The following LPIN2 variants were observed in gnomAD, a reference collection of about 807,000 sequenced individuals.
The protein encoded by LPIN2 is phosphatidate phosphatase LPIN2.
A neutral mutation model predicts 111.4 loss-of-function variants in LPIN2; 55 were observed. That is an observed-to-expected ratio of 0.49 (90% CI 0.40 to 0.62). LPIN2 has a LOEUF of 0.62. Among genes scored for constraint, LPIN2 ranks in the 20% least tolerant of loss-of-function variants. The pLI is 0.00. For missense variants in LPIN2, 992 were observed against 1,112.1 expected (o/e 0.89, Z 1.54); for synonymous variants, 425 against 414.0 (o/e 1.03, Z -0.32).
At chr18:3,010,332 C>T (rs1423735249) in intron 1 of LPIN2, among the ~76,000 whole-genome samples, 1 of 152,158 alleles carries the variant, frequency 6.6e-6, no homozygotes, top group Non-Finnish European at 1.5e-5. Context: ...CTGCTCCAGG[C>T]TATAATACCT....
chr18:2,931,158 G>A (rs941581959), intron 9 of LPIN2, 98 bp downstream of exon 9: 26 of 1,359,514 alleles, frequency 1.9e-5, no homozygotes, highest in East Asian at 2.4e-5. Context: ...GATCCCTAAA[G>A]AATGTAAATA....
intron 1 of LPIN2, among the ~76,000 whole-genome samples, chr18:2,989,268 C>G (rs1036261390): frequency 6.6e-6 from 1 of 151,802 alleles, no homozygotes; most frequent in Non-Finnish European, 1.5e-5. Context: ...ATTTACTATG[C>G]TAAGTATTTC....
chr18:2,981,781 A>ACATTTTT (rs1158169761), intron 1 of LPIN2, among the ~76,000 whole-genome samples: 3,474 of 152,334 alleles, frequency 0.023, 118 homozygotes, highest in African/African-American at 0.079. Flanking sequence ...TCCAAAAGCA[A>ACATTTTT]AAAGCAGAGT....
intron 1 of LPIN2, among the ~76,000 whole-genome samples, chr18:2,965,985 G>A (rs975056163): frequency 6.6e-6 from 1 of 152,124 alleles, no homozygotes; most frequent in African/African-American, 2.4e-5. Context: ...GCCCAGGCTG[G>A]ACTGCAATGG....
rs760932887 is a variant in LPIN2 at position 2,922,211 on chromosome 18, C to G, written c.2175-12G>C. 1.9e-6 allele frequency: 3 copies of G among 1,613,756 alleles called. No individual in the cohort carries two copies. Among genetic ancestry groups the G allele is most frequent in the Admixed American group, 3.3e-5 (2 of 60,008 alleles). ...ACTTGTAGCCATTCCTGAAAGAAAA[C>G]ACACCCTGTTAGCCCACATGTTCTG... is the stretch of plus-strand genomic sequence containing the variant. On this transcript the variant is annotated splice_polypyrimidine_tract_variant and intron_variant, in intron 16 of 19. Coordinates refer to ENST00000677752, the MANE Select transcript of LPIN2 (RefSeq NM_001375808.2).
chr18:2,941,871 C>T (rs925002494), intron 4 of LPIN2, among the ~76,000 whole-genome samples: 1 of 152,142 alleles, frequency 6.6e-6, no homozygotes, highest in African/African-American at 2.4e-5. Context: ...TTGCAGTGAG[C>T]GGAGATCGCA....
At chr18:2,958,647 T>C (rs1295868285) in intron 2 of LPIN2, among the ~76,000 whole-genome samples, 3 of 152,196 alleles carry the variant, frequency 2.0e-5, no homozygotes, top group African/African-American at 7.2e-5. Context: ...GTTTCTGAGA[T>C]ACTAAGGGAG....
Position 2,939,387 on chromosome 18 carries a change from C to G in LPIN2, c.822+93G>C, listed in dbSNP as rs2077337739. ...ACTATCATTTACATTCATGAGAGCT[C>G]AGTCAGAAATTGCCTCCTTTACTTA... is the stretch of plus-strand genomic sequence containing the variant. On this transcript the variant is annotated intron_variant, in intron 6 of 19. Transcript: ENST00000677752. 4 of 1,457,900 alleles carry G rather than the reference C, an allele frequency of 2.7e-6. No individual in the cohort carries two copies. The East Asian group carries it at 9.3e-5, about 34-fold the overall frequency. The allele number at this position is 1,457,900 out of a possible 1,614,324, so 90.3% of individuals were successfully genotyped here.
At chr18:2,960,217 T>C (rs2143197450) in intron 2 of LPIN2, among the ~76,000 whole-genome samples, 1 of 149,802 alleles carries the variant, frequency 6.7e-6, no homozygotes, top group African/African-American at 2.5e-5. Context: ...TGTGTGTGTG[T>C]GTTCTTGATT....
intron 14 of LPIN2, 66 bp from the exon 15 acceptor site, chr18:2,924,612 T>G (rs1168326975): frequency 1.3e-6 from 2 of 1,551,178 alleles, no homozygotes; most frequent in Non-Finnish European, 8.9e-7. Flanking sequence ...TTTAAAAATT[T>G]ACAGAACAAC....
intron 7 of LPIN2, among the ~76,000 whole-genome samples, chr18:2,936,897 G>A (rs1436708786): frequency 6.6e-6 from 1 of 152,196 alleles, no homozygotes; most frequent in East Asian, 1.9e-4. Flanking sequence ...ATTTTAGAGG[G>A]AAATAATCAG....
intron 1 of LPIN2, among the ~76,000 whole-genome samples, chr18:2,973,228 G>A (rs1461501396): frequency 6.6e-6 from 1 of 152,044 alleles, no homozygotes; most frequent in Non-Finnish European, 1.5e-5. Context: ...TTACAGGCAG[G>A]AAAATTAACC....
chr18:2,965,262 C>T (rs1284045901), intron 1 of LPIN2, among the ~76,000 whole-genome samples: 1 of 152,142 alleles, frequency 6.6e-6, no homozygotes, highest in Non-Finnish European at 1.5e-5. Context: ...TTTGACAGTG[C>T]CCACTATCAT....
chr18:2,944,799 T>C (rs979363498), intron 4 of LPIN2, among the ~76,000 whole-genome samples: 4 of 152,204 alleles, frequency 2.6e-5, no homozygotes, highest in African/African-American at 9.7e-5. Flanking sequence ...CAAACACATT[T>C]AAATATTCAG....
chr18:2,993,152 A>T (rs549235932), intron 1 of LPIN2, among the ~76,000 whole-genome samples: 3 of 152,072 alleles, frequency 2.0e-5, no homozygotes, highest in African/African-American at 7.2e-5. Context: ...CGGAGGAAGA[A>T]AAAAGAAAGA....
At position 2,918,537 on chromosome 18, in the gene LPIN2, C is replaced by A. The variant is rs1311164956; in HGVS notation, c.*1756G>T. On this transcript the variant is annotated 3_prime_UTR_variant, in exon 20 of 20. Transcript: ENST00000677752. ...ATAAACAGAACCCAGGATCCCTAAC[C>A]TACTGTAGATAAATAAACTCATTAA... 6.6e-6 allele frequency: 1 copy of A among 152,160 alleles called. No homozygotes were observed. The highest frequency in any genetic ancestry group is 1.5e-5 in the Non-Finnish European group (1 of 68,026). The allele number at this position is 152,160 out of a possible 1,614,324, so 9.4% of individuals were successfully genotyped here. A position where few individuals can be genotyped will look rare whatever the true frequency, so the allele number is the denominator to read the frequency against.
intron 16 of LPIN2, among the ~76,000 whole-genome samples, chr18:2,922,737 G>A (rs2077073630): frequency 6.6e-6 from 1 of 152,214 alleles, no homozygotes; most frequent in African/African-American, 2.4e-5. Context: ...ATTATGTTAA[G>A]TTTGTAAGTA....
intron 1 of LPIN2, among the ~76,000 whole-genome samples, chr18:3,000,770 T>C (rs2078422830): frequency 6.6e-6 from 1 of 151,960 alleles, no homozygotes; most frequent in African/African-American, 2.4e-5. Context: ...AGGCCAGGGG[T>C]AAGGATTCAC....
At chr18:2,947,668 C>A (rs192476241) in intron 4 of LPIN2, among the ~76,000 whole-genome samples, 1 of 152,126 alleles carries the variant, frequency 6.6e-6, no homozygotes, top group Non-Finnish European at 1.5e-5. Flanking sequence ...CAAAACAAAA[C>A]AGAAACCTAT....
Sources: gnomAD v4.1 joint callset for allele counts (sites outside exome capture counted in the v4.1 genomes callset) on GRCh38, gnomAD v4.1.1 for gene constraint, MANE v1.5 for transcripts, NCBI Gene and HGNC (gene_info 2026-07-23, HGNC 2026-07-21) for gene names.